Variants in OR51E1 observed in about 807,000 individuals in gnomAD.
OR51E1 encodes the protein olfactory receptor family 51 subfamily E member 1.
A neutral mutation model predicts 11.5 loss-of-function variants in OR51E1; 9 were observed. The ratio of observed to expected loss-of-function variants is 0.78; its 90% CI spans 0.47 to 1.37. OR51E1 has a LOEUF of 1.37. Among genes scored for constraint, OR51E1 ranks in the 40% most tolerant of loss-of-function variants. The pLI is 0.00. For synonymous variants in OR51E1, 168 were observed against 158.3 expected, an observed-to-expected ratio of 1.06 and a Z score of -0.46; for missense variants, 397 against 410.2, an observed-to-expected ratio of 0.97 and a Z score of 0.28.
rs1847148115 is a variant in OR51E1 at position 4,654,756 on chromosome 11, A to C, written c.*1273A>C. Reference sequence around the variant, plus strand: ...GAAAGCAATCTGACTTAGGCATGGGAATCAGGCATTTTTGCTTCTGAGGGG... The same window carrying C: ...GAAAGCAATCTGACTTAGGCATGGGCATCAGGCATTTTTGCTTCTGAGGGG... On this transcript the variant is annotated 3_prime_UTR_variant, in exon 2 of 2. Coordinates refer to ENST00000396952, the MANE Select transcript of OR51E1 (RefSeq NM_152430.4). 1 of 167,170 alleles carries C rather than the reference A, an allele frequency of 6.0e-6. No individual in the cohort carries two copies. Among genetic ancestry groups the C allele is most frequent in the Non-Finnish European group, 1.5e-5 (1 of 68,128 alleles). 10.4% of individuals were successfully genotyped at this position (167,170 alleles called of 1,614,324 possible). A position where few individuals can be genotyped will look rare whatever the true frequency, so the allele number is the denominator to read the frequency against.
rs571323210 is a variant in OR51E1, at chr11:4,653,581, A to G, written c.*98A>G. On this transcript the variant is annotated 3_prime_UTR_variant, in exon 2 of 2. Transcript: ENST00000396952. ...AGTATTCAGAAAAAAAATTTCCTTAATAAAAATACAACTCAGATCCTTCAA... is the reference window on the plus strand; with the variant it reads ...AGTATTCAGAAAAAAAATTTCCTTAGTAAAAATACAACTCAGATCCTTCAA... 233 of 684,496 alleles carry G rather than the reference A, an allele frequency of 3.4e-4. 7 individuals carry two copies. In the South Asian group the frequency reaches 3.6e-3, roughly 11 times the overall value. The allele number at this position is 684,496 out of a possible 1,614,324, so 42.4% of individuals were successfully genotyped here.
In OR51E1 at chr11:4,652,494, C is replaced by G. The variant is rs748905126; in HGVS notation, c.-33C>G. ...GCTTATCTTTGCATTCCAGCCTCTA[C>G]CTGCCTGGTGCTGGTCACAGTTCAG... On this transcript the variant is annotated 5_prime_UTR_variant, in exon 2 of 2. Transcript: ENST00000396952. The G allele has an allele frequency of 2.0e-6, 3 of 1,472,244 alleles. No individual in the cohort carries two copies. Among genetic ancestry groups the G allele is most frequent in the Non-Finnish European group, 2.8e-6 (3 of 1,059,928 alleles). 91.2% of individuals were successfully genotyped at this position (1,472,244 alleles called of 1,614,324 possible).
rs573513318 is a variant in OR51E1, at chr11:4,650,492, G to A, written c.-39-1996G>A. Reference sequence around the variant, plus strand: ...CTCTGCCTTAAAACTTCCCTTCCCAGCAGATTGAATTAAACTCTCTCACCC... The same window carrying A: ...CTCTGCCTTAAAACTTCCCTTCCCAACAGATTGAATTAAACTCTCTCACCC... On this transcript the variant is annotated intron_variant, in intron 1 of 1. Coordinates refer to ENST00000396952, the MANE Select transcript of OR51E1 (RefSeq NM_152430.4). 2.6e-5 allele frequency among the ~76,000 whole-genome samples: 4 copies of A among 152,260 alleles called. No homozygotes were observed. The East Asian group carries it at 7.7e-4, about 29-fold the overall frequency.
Position 4,652,804 on chromosome 11 carries a change from C to G in OR51E1, c.278C>G (p.Thr93Ser). ...KMLAIFWFNS[T>S]TIQFDACLLQ... ...CTGGCCATCTTCTGGTTCAATTCCA[C>G]TACCATCCAGTTTGATGCTTGTCTG... Residue 93 changes from threonine to serine, a missense_variant, in exon 2 of 2, where the codon ACT becomes AGT. Coordinates refer to ENST00000396952, the MANE Select transcript of OR51E1 (RefSeq NM_152430.4). The G allele has an allele frequency of 1.9e-6, 3 of 1,614,234 alleles. No individual in the cohort carries two copies. The highest frequency in any genetic ancestry group is 2.5e-6 in the Non-Finnish European group (3 of 1,180,036).
rs946803400 is a variant in OR51E1 at position 4,651,014 on chromosome 11, G to A, written c.-39-1474G>A. On this transcript the variant is annotated intron_variant, in intron 1 of 1. Coordinates refer to ENST00000396952, the MANE Select transcript of OR51E1 (RefSeq NM_152430.4). The stretch of plus-strand genomic sequence containing the variant: ...AGATAAGGGCTACCCTATAGTAGGA[G>A]CACATGAATATTTGTCGATGGAGGA... Among the ~76,000 whole-genome samples the A allele has an allele frequency of 7.9e-5, 12 of 150,958 alleles. 1 individual carries two copies. The highest frequency in any genetic ancestry group is 3.4e-3 in the Middle Eastern group (1 of 292).
chr11:4,649,965 G>T (rs760411031), intron 1 of OR51E1, among the ~76,000 whole-genome samples: 49 of 152,140 alleles, frequency 3.2e-4, no homozygotes, highest in Non-Finnish European at 5.6e-4. Context: ...AGCTCTAGAG[G>T]TTTTAGACTG....
intron 1 of OR51E1, among the ~76,000 whole-genome samples, chr11:4,649,901 A>G (rs970581754): frequency 1.3e-5 from 2 of 152,184 alleles, no homozygotes; most frequent in Non-Finnish European, 2.9e-5. Flanking sequence ...TAATCATTTT[A>G]ATGATGAGGA....
At position 4,653,371 on chromosome 11, in the gene OR51E1, A is replaced by G. The variant is rs1847129979; in HGVS notation, c.845A>G (p.Tyr282Cys). ...CTGCCCGTCATCTTGGCCAATATCT[A>G]TCTGCTGGTTCCTCCTGTGCTCAAC... is the stretch of plus-strand genomic sequence containing the variant. ...SPLPVILANI[Y>C]LLVPPVLNPI... The change falls in exon 2 of 2, where the codon TAT (tyrosine) becomes TGT (cysteine). Residue 282 changes from tyrosine to cysteine, a missense_variant. Tyr to Cys is a radical substitution (Grantham distance 194). Transcript: ENST00000396952. 1.2e-6 allele frequency: 2 copies of G among 1,614,062 alleles called. No individual in the cohort carries two copies. The highest frequency in any genetic ancestry group is 1.7e-5 in the Admixed American group (1 of 60,016).
At chr11:4,646,312 G>T (rs571559582) in intron 1 of OR51E1, among the ~76,000 whole-genome samples, 1 of 152,346 alleles carries the variant, frequency 6.6e-6, no homozygotes, top group East Asian at 1.9e-4. Flanking sequence ...CCTAAGTGGG[G>T]AGAGCTGGTC....
chr11:4,647,205 C>T (rs1486815050), intron 1 of OR51E1, among the ~76,000 whole-genome samples: 2 of 152,148 alleles, frequency 1.3e-5, no homozygotes, highest in Non-Finnish European at 2.9e-5. Flanking sequence ...TTTGTAGGTG[C>T]TCAATAATCT....
intron 1 of OR51E1, among the ~76,000 whole-genome samples, chr11:4,648,097 A>C (rs1451303493): frequency 6.6e-6 from 1 of 152,088 alleles, no homozygotes; most frequent in Non-Finnish European, 1.5e-5. Flanking sequence ...CTCCTTCTCC[A>C]TCCATTCATT....
intron 1 of OR51E1, among the ~76,000 whole-genome samples, chr11:4,646,854 G>C (rs925627467): frequency 6.6e-6 from 1 of 152,218 alleles, no homozygotes; most frequent in African/African-American, 2.4e-5. Context: ...ATGAGGGAAA[G>C]TGTATAGGCC....
chr11:4,644,132 A>T (rs1229322199), intron 1 of OR51E1, 102 bp downstream of exon 1: 1 of 152,888 alleles, frequency 6.5e-6, no homozygotes, highest in Non-Finnish European at 1.5e-5. Flanking sequence ...GGCTGTGAAG[A>T]ACCAGAAGTG....
At chr11:4,646,679 TC>T (rs1847034835) in intron 1 of OR51E1, among the ~76,000 whole-genome samples, 1 of 152,148 alleles carries the variant, frequency 6.6e-6, no homozygotes, top group African/African-American at 2.4e-5. Context: ...GAGGTGAGTG[TC>T]CCAAGTTCCA....
rs554070363 is a variant in OR51E1 at position 4,649,326 on chromosome 11, A to G, written c.-39-3162A>G. ...TATAGGAGAGAGACAGTAAGCCAGG[A>G]TGTGAACAATGAGTGTGGGAAGTCA... On this transcript the variant is annotated intron_variant, in intron 1 of 1. Transcript: ENST00000396952. Among the ~76,000 whole-genome samples, 32 of 152,350 alleles carry G rather than the reference A, an allele frequency of 2.1e-4. No homozygotes were observed. The South Asian group carries it at 4.4e-3, about 21-fold the overall frequency.
At position 4,653,702 on chromosome 11, in the gene OR51E1, G is replaced by C. The variant is rs753053460; in HGVS notation, c.*219G>C. The C allele has an allele frequency of 4.1e-6, 2 of 482,880 alleles. No individual in the cohort carries two copies. Among genetic ancestry groups the C allele is most frequent in the Non-Finnish European group, 7.5e-6 (2 of 265,098 alleles). The allele number at this position is 482,880 out of a possible 1,614,324, so 29.9% of individuals were successfully genotyped here. A position where few individuals can be genotyped will look rare whatever the true frequency, so the allele number is the denominator to read the frequency against. ...TTATTAATACCCTGACTAGGTTGTGGTTGGAGGGTTATTACTTTTCATTTT... is the reference window on the plus strand; with the variant it reads ...TTATTAATACCCTGACTAGGTTGTGCTTGGAGGGTTATTACTTTTCATTTT... On this transcript the variant is annotated 3_prime_UTR_variant, in exon 2 of 2. Transcript: ENST00000396952.
chr11:4,648,970 T>C (rs1360688127), intron 1 of OR51E1, among the ~76,000 whole-genome samples: 3 of 152,178 alleles, frequency 2.0e-5, no homozygotes, highest in Admixed American at 6.5e-5. Flanking sequence ...CTTCCAAACA[T>C]CATCTCATCC....
At chr11:4,645,811 G>A (rs959709429) in intron 1 of OR51E1, among the ~76,000 whole-genome samples, 1 of 152,108 alleles carries the variant, frequency 6.6e-6, no homozygotes, top group African/African-American at 2.4e-5. Context: ...GACCAGGGTG[G>A]GGTGAGGGCT....
chr11:4,646,185 C>T (rs1407884466), intron 1 of OR51E1, among the ~76,000 whole-genome samples: 1 of 152,192 alleles, frequency 6.6e-6, no homozygotes, highest in Non-Finnish European at 1.5e-5. Flanking sequence ...TTCCCAGAGG[C>T]TGACAGCAGC....
Sources: gnomAD v4.1 joint callset for allele counts (sites outside exome capture counted in the v4.1 genomes callset) on GRCh38, gnomAD v4.1.1 for gene constraint, MANE v1.5 for transcripts, NCBI Gene and HGNC (gene_info 2026-07-23, HGNC 2026-07-21) for gene names.